Variants in THSD7B observed in about 807,000 individuals in gnomAD.
THSD7B encodes the protein thrombospondin type 1 domain containing 7B.
A neutral mutation model predicts 213.6 loss-of-function variants in THSD7B; 138 were observed. That is an observed-to-expected ratio of 0.65 (90% CI 0.56 to 0.74). The LOEUF (loss-of-function observed/expected upper bound fraction) is 0.74, where lower values mean the gene tolerates loss of function less well. Ranked by LOEUF, THSD7B falls within the 30% of genes least tolerant of loss-of-function variation. THSD7B has a pLI of 0.00. For synonymous variants in THSD7B, 742 were observed against 687.0 expected, an observed-to-expected ratio of 1.08 and a Z score of -1.25; for missense variants, 1,931 against 1,991.5, an observed-to-expected ratio of 0.97 and a Z score of 0.58.
At chr2:137,564,727 G>A (rs1426288073) in intron 16 of THSD7B, among the ~76,000 whole-genome samples, 2 of 152,094 alleles carry the variant, frequency 1.3e-5, no homozygotes, top group African/African-American at 2.4e-5. Flanking sequence ...ATTGTGGAAG[G>A]TTGATTGAGG....
chr2:136,964,157 G>C (rs1028755627), intron 2 of THSD7B, among the ~76,000 whole-genome samples: 1 of 152,154 alleles, frequency 6.6e-6, no homozygotes, highest in African/African-American at 2.4e-5. Flanking sequence ...CGTTTTTCAT[G>C]CCCAAGACAA....
intron 12 of THSD7B, among the ~76,000 whole-genome samples, chr2:137,306,786 G>A (rs1031088401): frequency 2.0e-5 from 3 of 151,462 alleles, no homozygotes; most frequent in African/African-American, 7.3e-5. Context: ...TTTTTGCCCA[G>A]GTATGATTTT....
chr2:136,864,594 C>T (rs946001638), intron 1 of THSD7B, among the ~76,000 whole-genome samples: 3 of 151,680 alleles, frequency 2.0e-5, no homozygotes, highest in African/African-American at 7.3e-5. Context: ...ACTCTGTTGC[C>T]CAGGCTGGAG....
intron 7 of THSD7B, among the ~76,000 whole-genome samples, chr2:137,214,819 T>G (rs1324985911): frequency 2.0e-5 from 3 of 152,192 alleles, no homozygotes; most frequent in African/African-American, 7.2e-5. Flanking sequence ...ACATTTTCTT[T>G]ATCCAGTCTA....
At chr2:137,674,850 A>C (rs1048981029) in intron 27 of THSD7B, among the ~76,000 whole-genome samples, 4 of 152,172 alleles carry the variant, frequency 2.6e-5, no homozygotes, top group African/African-American at 9.7e-5. Context: ...GAGAATCTGC[A>C]GTTCCTTTTA....
At chr2:136,872,921 G>C (rs113232044) in intron 1 of THSD7B, among the ~76,000 whole-genome samples, 12,252 of 147,512 alleles carry the variant, frequency 0.083, 641 homozygotes, top group Middle Eastern at 0.21. Context: ...TTACCATAGG[G>C]TTGCATAACT....
intron 15 of THSD7B, among the ~76,000 whole-genome samples, chr2:137,489,649 A>C (rs1243046887): frequency 6.6e-6 from 1 of 152,180 alleles, no homozygotes; most frequent in Non-Finnish European, 1.5e-5. Context: ...TCTGTAGATG[A>C]TGTGACCCAG....
chr2:137,061,928 G>C (rs894882476), intron 3 of THSD7B, among the ~76,000 whole-genome samples: 4 of 151,710 alleles, frequency 2.6e-5, no homozygotes, highest in African/African-American at 9.7e-5. Flanking sequence ...GTTGAGAATT[G>C]GTATAATTTT....
intron 1 of THSD7B, among the ~76,000 whole-genome samples, chr2:136,864,123 G>C (rs983527455): frequency 4.6e-5 from 7 of 152,092 alleles, no homozygotes; most frequent in African/African-American, 1.7e-4. Flanking sequence ...TTTCCTTCCT[G>C]GGAAAAACAT....
intron 15 of THSD7B, among the ~76,000 whole-genome samples, chr2:137,537,730 A>G (rs1265707123): frequency 6.6e-6 from 1 of 151,784 alleles, no homozygotes; most frequent in Non-Finnish European, 1.5e-5. Context: ...ATAATTTTTC[A>G]GATATATCTA....
intron 2 of THSD7B, among the ~76,000 whole-genome samples, chr2:136,954,600 C>T (rs1685092899): frequency 6.6e-6 from 1 of 151,336 alleles, no homozygotes; most frequent in African/African-American, 2.4e-5. Context: ...CCTGTAGTCC[C>T]AGCTACTCTG....
intron 2 of THSD7B, among the ~76,000 whole-genome samples, chr2:137,028,949 C>T (rs1281251319): frequency 2.6e-5 from 4 of 151,614 alleles, no homozygotes; most frequent in Non-Finnish European, 5.9e-5. Flanking sequence ...CAAAGAAAAC[C>T]CCTGTTAATA....
At chr2:136,853,007 A>AT (rs1165863987) in intron 1 of THSD7B, among the ~76,000 whole-genome samples, 1 of 151,836 alleles carries the variant, frequency 6.6e-6, no homozygotes, top group Admixed American at 6.6e-5. Context: ...ATATTTCCCC[A>AT]TCCCACCACT....
Position 137,577,533 on chromosome 2 carries a change from T to C in THSD7B, c.3423+4977T>C, listed in dbSNP as rs149565553. On this transcript the variant is annotated intron_variant, in intron 17 of 27. Transcript: ENST00000409968. ...TTCTATCTCCATTTCTATCTCTACC[T>C]CTATTTCATGAAATTCTCAGTTATA... Among the ~76,000 whole-genome samples the C allele has an allele frequency of 4.8e-3, 732 of 152,098 alleles. 1 individual carries two copies. The highest frequency in any genetic ancestry group is 9.9e-3 in the Admixed American group (151 of 15,246).
At chr2:137,044,337 G>C (rs1686932496) in intron 2 of THSD7B, among the ~76,000 whole-genome samples, 1 of 152,100 alleles carries the variant, frequency 6.6e-6, no homozygotes, top group African/African-American at 2.4e-5. Context: ...TCTTTGTAAG[G>C]CTGCTTTGAG....
chr2:137,202,771 A>C lies in THSD7B; in HGVS notation c.1724-28273A>C, dbSNP rs72989786. On this transcript the variant is annotated intron_variant, in intron 7 of 27. Coordinates refer to ENST00000409968, the MANE Select transcript of THSD7B (RefSeq NM_001316349.2). ...TGAGAAAAGAGAGGCTGTGGTGGTA[A>C]GTCAAGTCTCTCCAATTACATCTCT... Among the ~76,000 whole-genome samples the C allele has an allele frequency of 2.6e-3, 390 of 152,292 alleles. 3 individuals are homozygous for C. Among genetic ancestry groups the C allele is most frequent in the African/African-American group, 9.1e-3 (379 of 41,578 alleles).
At chr2:137,398,588 A>C (rs1686261933) in intron 12 of THSD7B, among the ~76,000 whole-genome samples, 1 of 151,568 alleles carries the variant, frequency 6.6e-6, no homozygotes, top group Non-Finnish European at 1.5e-5. Context: ...AGGGACATTT[A>C]AGTCTGCAGA....
intron 2 of THSD7B, among the ~76,000 whole-genome samples, chr2:136,922,145 T>A (rs1392047903): frequency 6.6e-6 from 1 of 152,246 alleles, no homozygotes; most frequent in Non-Finnish European, 1.5e-5. Flanking sequence ...CCAGAGTGAC[T>A]GCCTAGCATC....
chr2:137,508,518 A>G (rs1259034389), intron 15 of THSD7B, among the ~76,000 whole-genome samples: 1 of 148,080 alleles, frequency 6.8e-6, no homozygotes, highest in East Asian at 2.0e-4. Context: ...CTGGGACTAC[A>G]GGCGCCTGCC....
Sources: allele counts gnomAD v4.1 joint callset (sites outside exome capture counted in the v4.1 genomes callset), GRCh38; gene constraint gnomAD v4.1.1; transcripts MANE v1.5; gene names NCBI Gene and HGNC (gene_info 2026-07-23, HGNC 2026-07-21).